DOCK4: variants seen among roughly 807,000 people sequenced by gnomAD.
DOCK4 encodes dedicator of cytokinesis protein 4.
A neutral mutation model predicts 268.1 loss-of-function variants in DOCK4; 97 were observed. The ratio of observed to expected loss-of-function variants is 0.36; its 90% CI spans 0.31 to 0.43. The LOEUF (loss-of-function observed/expected upper bound fraction) is 0.43, where lower values mean the gene tolerates loss of function less well. DOCK4 is among the 20% of genes least tolerant of loss of function. The pLI, the probability that DOCK4 is intolerant of heterozygous loss-of-function variation, is 1.00. For missense variants in DOCK4, 2,145 were observed against 2,455.7 expected, an observed-to-expected ratio of 0.87 and a Z score of 2.67; for synonymous variants, 954 against 887.2, an observed-to-expected ratio of 1.08 and a Z score of -1.34.
Position 112,049,476 on chromosome 7 carries a change from C to A in DOCK4, c.38-45345G>T, listed in dbSNP as rs577664550. Among the ~76,000 whole-genome samples the A allele has an allele frequency of 9.2e-5, 14 of 151,882 alleles. No individual in the cohort carries two copies. The South Asian group carries it at 1.5e-3, about 16-fold the overall frequency. ...GAAGACAGAAAAAGAAGAAAAGGTA[C>A]AAAAAACAAATAAGACAAATAGAAT... On this transcript the variant is annotated intron_variant, in intron 1 of 52. Transcript: ENST00000428084.
At chr7:111,960,210 A>G (rs1439469656) in intron 8 of DOCK4, among the ~76,000 whole-genome samples, 1 of 151,764 alleles carries the variant, frequency 6.6e-6, no homozygotes, top group East Asian at 1.9e-4. Context: ...CTAAAAATAC[A>G]AAAAATTAGC....
intron 1 of DOCK4, among the ~76,000 whole-genome samples, chr7:112,128,331 C>A (rs1300326329): frequency 6.6e-6 from 1 of 151,914 alleles, no homozygotes. Flanking sequence ...CCGCCCCGTC[C>A]GGGAGGTGAG....
At chr7:111,940,373 T>G in intron 10 of DOCK4, 131 bp from the exon 11 acceptor site, 1 of 1,163,236 alleles carries the variant, frequency 8.6e-7, no homozygotes, top group South Asian at 1.4e-5. Flanking sequence ...AGGTTGGGCG[T>G]AACAGAAGAT....
chr7:111,921,829 A>G (rs1220060889), intron 12 of DOCK4, among the ~76,000 whole-genome samples: 2 of 152,226 alleles, frequency 1.3e-5, no homozygotes, highest in African/African-American at 2.4e-5. Context: ...TACCATGAGT[A>G]TCAACAAATT....
intron 1 of DOCK4, among the ~76,000 whole-genome samples, chr7:112,031,402 CT>C (rs1315718599): frequency 6.6e-6 from 1 of 152,152 alleles, no homozygotes; most frequent in East Asian, 1.9e-4. Context: ...ACTTTCTTAT[CT>C]TCACAGTTTT....
intron 1 of DOCK4, among the ~76,000 whole-genome samples, chr7:112,186,313 G>A (rs1404647373): frequency 6.6e-6 from 1 of 152,162 alleles, no homozygotes; most frequent in Non-Finnish European, 1.5e-5. Context: ...AAAGAGTAAT[G>A]AAGACATGAC....
intron 12 of DOCK4, among the ~76,000 whole-genome samples, chr7:111,929,433 G>T (rs1049889835): frequency 6.6e-6 from 1 of 152,030 alleles, no homozygotes; most frequent in African/African-American, 2.4e-5. Context: ...CCAAAAGTCA[G>T]CAAAAAGGTC....
chr7:111,846,950 C>T (rs1804155280), intron 24 of DOCK4, 49 bp downstream of exon 24: 1 of 1,566,460 alleles, frequency 6.4e-7, no homozygotes, highest in Non-Finnish European at 8.7e-7. Flanking sequence ...AAGTTTATTT[C>T]CAGAAGCCAT....
intron 1 of DOCK4, among the ~76,000 whole-genome samples, chr7:112,117,474 G>A (rs922561701): frequency 1.3e-5 from 2 of 152,038 alleles, no homozygotes; most frequent in African/African-American, 2.4e-5. Flanking sequence ...GGGTTCAAGC[G>A]ATTCTCCTAC....
intron 16 of DOCK4, among the ~76,000 whole-genome samples, chr7:111,877,743 C>T (rs1034691507): frequency 5.9e-5 from 9 of 152,156 alleles, no homozygotes; most frequent in African/African-American, 2.2e-4. Context: ...CGCCAGCTAA[C>T]ACATGTAAAA....
intron 1 of DOCK4, among the ~76,000 whole-genome samples, chr7:112,052,039 T>C (rs762190747): frequency 1.1e-4 from 16 of 152,162 alleles, no homozygotes; most frequent in Non-Finnish European, 1.5e-5. Context: ...AATGGTATAG[T>C]ATTTGCATAT....
At position 111,726,723 on chromosome 7, in the gene DOCK4, A is replaced by C. The variant is rs1219741670; in HGVS notation, c.*1551T>G. ...TTTTTCCATACGTAAAGTATTTGGCATAATTATAACAATCATACTGCATCA... is the reference window on the plus strand; with the variant it reads ...TTTTTCCATACGTAAAGTATTTGGCCTAATTATAACAATCATACTGCATCA... On this transcript the variant is annotated 3_prime_UTR_variant, in exon 53 of 53. Coordinates refer to ENST00000428084, the MANE Select transcript of DOCK4 (RefSeq NM_001363540.2). 1 of 152,678 alleles carries C rather than the reference A, an allele frequency of 6.5e-6. No individual in the cohort carries two copies. Among genetic ancestry groups the C allele is most frequent in the African/African-American group, 2.4e-5 (1 of 41,476 alleles). The allele number at this position is 152,678 out of a possible 1,614,324, so 9.5% of individuals were successfully genotyped here.
At chr7:111,770,586 T>C (rs3801778) in intron 36 of DOCK4, among the ~76,000 whole-genome samples, 68,690 of 152,014 alleles carry the variant, frequency 0.45, 19,087 homozygotes, top group African/African-American at 0.78. Flanking sequence ...TTTTCCTGAA[T>C]TGTAAATATA....
intron 1 of DOCK4, among the ~76,000 whole-genome samples, chr7:112,091,054 T>C (rs1344586614): frequency 6.9e-6 from 1 of 145,856 alleles, no homozygotes; most frequent in Non-Finnish European, 1.5e-5. Flanking sequence ...ACTGAAGAGG[T>C]ACTGTTCAAA....
chr7:111,845,055 A>G (rs1307619575), intron 24 of DOCK4, among the ~76,000 whole-genome samples, 158 bp from the exon 25 acceptor site: 1 of 152,242 alleles, frequency 6.6e-6, no homozygotes, highest in Non-Finnish European at 1.5e-5. Flanking sequence ...AGAGAAGTTA[A>G]TGGCTTACCC....
At chr7:112,106,311 C>T (rs1811144919) in intron 1 of DOCK4, among the ~76,000 whole-genome samples, 2 of 152,208 alleles carry the variant, frequency 1.3e-5, no homozygotes, top group Admixed American at 1.3e-4. Flanking sequence ...GAGGACAACT[C>T]TTAACACAGG....
chr7:112,017,973 T>C (rs1586651053), intron 1 of DOCK4, among the ~76,000 whole-genome samples: 1 of 151,340 alleles, frequency 6.6e-6, no homozygotes, highest in Admixed American at 6.6e-5. Context: ...GATCACGAGG[T>C]CAGGAGAGCG....
At position 111,913,537 on chromosome 7, in the gene DOCK4, G is replaced by A. The variant is rs1185153043; in HGVS notation, c.1192+2242C>T. ...CCATTCTCCTGCCTCAGCCTCCCGAGTAGCTGGGACTACAGGCGCCCGCCA... is the reference window on the plus strand; with the variant it reads ...CCATTCTCCTGCCTCAGCCTCCCGAATAGCTGGGACTACAGGCGCCCGCCA... On this transcript the variant is annotated intron_variant, in intron 13 of 52. Transcript: ENST00000428084. Among the ~76,000 whole-genome samples, 7 of 147,664 alleles carry A rather than the reference G, an allele frequency of 4.7e-5. No individual in the cohort carries two copies. In the East Asian group the frequency reaches 1.4e-3, roughly 29 times the overall value.
At chr7:112,038,881 T>C (rs1221031652) in intron 1 of DOCK4, among the ~76,000 whole-genome samples, 1 of 152,220 alleles carries the variant, frequency 6.6e-6, no homozygotes, top group Non-Finnish European at 1.5e-5. Context: ...AGGAACTCTT[T>C]TAAAAAGGCA....
Sources: gnomAD v4.1 joint callset for allele counts (sites outside exome capture counted in the v4.1 genomes callset) on GRCh38, gnomAD v4.1.1 for gene constraint, MANE v1.5 for transcripts, NCBI Gene and HGNC (gene_info 2026-07-23, HGNC 2026-07-21) for gene names.